ARHGAP26: variants seen among roughly 807,000 people sequenced by gnomAD.
The protein encoded by ARHGAP26 is Rho GTPase activating protein 26, also known as rho GTPase-activating protein 26.
Under a neutral mutation model 104.8 loss-of-function variants are expected in ARHGAP26, and 38 were observed. The ratio of observed to expected loss-of-function variants is 0.36; its 90% confidence interval spans 0.28 to 0.48. The LOEUF is 0.48. Among genes scored for constraint, ARHGAP26 ranks in the 20% least tolerant of loss-of-function variants. The pLI is 0.99. For missense variants in ARHGAP26, 704 were observed against 947.9 expected (o/e 0.74, Z 3.38); for synonymous variants, 341 against 340.0 (o/e 1.00, Z -0.03).
intron 11 of ARHGAP26, among the ~76,000 whole-genome samples, chr5:143,010,357 A>C (rs867401263): frequency 1.3e-5 from 2 of 152,214 alleles, no homozygotes; most frequent in African/African-American, 4.8e-5. Flanking sequence ...CTCAGGTTCC[A>C]TATCTCTAAA....
intron 1 of ARHGAP26, among the ~76,000 whole-genome samples, chr5:142,836,591 T>A (rs1167480024): frequency 6.6e-6 from 1 of 152,228 alleles, no homozygotes; most frequent in African/African-American, 2.4e-5. Flanking sequence ...TCTCGAGGCC[T>A]GTGTTTTCAC....
intron 14 of ARHGAP26, among the ~76,000 whole-genome samples, chr5:143,050,662 C>G (rs888809307): frequency 6.6e-6 from 1 of 152,216 alleles, no homozygotes; most frequent in Non-Finnish European, 1.5e-5. Flanking sequence ...TAAGTGGAAA[C>G]AGCCCAGACT....
chr5:142,996,133 A>G (rs1212924505), intron 11 of ARHGAP26, among the ~76,000 whole-genome samples: 1 of 152,218 alleles, frequency 6.6e-6, no homozygotes, highest in Non-Finnish European at 1.5e-5. Flanking sequence ...TGGCACATGT[A>G]TACCTATGTA....
At chr5:142,994,540 T>A (rs921877645) in intron 11 of ARHGAP26, among the ~76,000 whole-genome samples, 23 of 152,042 alleles carry the variant, frequency 1.5e-4, no homozygotes, top group African/African-American at 5.3e-4. Flanking sequence ...GAGTAACCAT[T>A]GTGAAGGCAT....
intron 13 of ARHGAP26, among the ~76,000 whole-genome samples, chr5:143,041,003 T>C (rs1011103286): frequency 6.6e-6 from 1 of 152,232 alleles, no homozygotes; most frequent in African/African-American, 2.4e-5. Context: ...TGGCTACTGG[T>C]TGAAGAATGG....
chr5:142,825,321 T>G (rs115401506), intron 1 of ARHGAP26, among the ~76,000 whole-genome samples: 1 of 152,306 alleles, frequency 6.6e-6, no homozygotes, highest in Non-Finnish European at 1.5e-5. Flanking sequence ...AGAGGGTAGT[T>G]GGGAGCCCAC....
At chr5:142,967,959 G>A (rs1771663967) in intron 11 of ARHGAP26, among the ~76,000 whole-genome samples, 2 of 152,176 alleles carry the variant, frequency 1.3e-5, no homozygotes, top group South Asian at 4.1e-4. Context: ...GTTCAAAGAA[G>A]GGCCAGAAAA....
intron 1 of ARHGAP26, among the ~76,000 whole-genome samples, chr5:142,857,754 A>G (rs939237524): frequency 2.0e-5 from 3 of 151,972 alleles, no homozygotes; most frequent in African/African-American, 4.8e-5. Context: ...TCGGGACATC[A>G]CTTTCCTTTT....
At chr5:143,117,031 T>C (rs949467842) in intron 17 of ARHGAP26, among the ~76,000 whole-genome samples, 2 of 152,212 alleles carry the variant, frequency 1.3e-5, no homozygotes, top group African/African-American at 4.8e-5. Flanking sequence ...GAATTGGCAG[T>C]TCTTTCAAAA....
At chr5:143,077,345 A>G (rs867257633) in intron 17 of ARHGAP26, among the ~76,000 whole-genome samples, 11 of 152,236 alleles carry the variant, frequency 7.2e-5, no homozygotes, top group African/African-American at 2.7e-4. Context: ...AAAAGAACCC[A>G]GGAACTGAAG....
chr5:142,857,362 G>C (rs968905561), intron 1 of ARHGAP26, among the ~76,000 whole-genome samples: 1 of 152,104 alleles, frequency 6.6e-6, no homozygotes, highest in Middle Eastern at 3.2e-3. Flanking sequence ...AAGATTCCTG[G>C]GTTGATGGGC....
At chr5:143,064,118 C>T (rs935841032) in intron 17 of ARHGAP26, among the ~76,000 whole-genome samples, 8 of 152,110 alleles carry the variant, frequency 5.3e-5, no homozygotes, top group African/African-American at 1.9e-4. Context: ...TTGAAAAATT[C>T]GTATCTCACC....
At chr5:143,121,174 G>T (rs1796082780) in intron 18 of ARHGAP26, 27 bp downstream of exon 18, 1 of 1,603,416 alleles carries the variant, frequency 6.2e-7, no homozygotes, top group Non-Finnish European at 8.5e-7. Context: ...CACTTGCAGT[G>T]AAGAATGTAC....
chr5:142,959,216 A>G (rs1461056313), intron 11 of ARHGAP26, among the ~76,000 whole-genome samples: 1 of 152,250 alleles, frequency 6.6e-6, no homozygotes, highest in Non-Finnish European at 1.5e-5. Context: ...ATAGAACAAA[A>G]GCACATTCAT....
intron 4 of ARHGAP26, among the ~76,000 whole-genome samples, chr5:142,883,129 C>T (rs1757236999): frequency 6.6e-6 from 1 of 152,140 alleles, no homozygotes. Flanking sequence ...ATTTTTTTCT[C>T]TAACTTTGGG....
intron 1 of ARHGAP26, among the ~76,000 whole-genome samples, chr5:142,834,396 T>C (rs1486152009): frequency 1.3e-5 from 2 of 152,262 alleles, no homozygotes; most frequent in Non-Finnish European, 2.9e-5. Flanking sequence ...AGAAAAGTTT[T>C]TAATCATTTT....
chr5:142,995,876 G>A (rs1229565877), intron 11 of ARHGAP26, among the ~76,000 whole-genome samples: 1 of 152,144 alleles, frequency 6.6e-6, no homozygotes, highest in Middle Eastern at 3.2e-3. Flanking sequence ...CATGGTTGAA[G>A]CTGGAAACTA....
intron 17 of ARHGAP26, among the ~76,000 whole-genome samples, chr5:143,087,031 G>T (rs1278648615): frequency 6.6e-6 from 1 of 152,236 alleles, no homozygotes; most frequent in Non-Finnish European, 1.5e-5. Flanking sequence ...AGATTCCCAA[G>T]CACTAAAGTG....
chr5:143,180,490 G>A (rs937583326), intron 20 of ARHGAP26, among the ~76,000 whole-genome samples: 2 of 152,128 alleles, frequency 1.3e-5, no homozygotes, highest in African/African-American at 4.8e-5. Context: ...CTGTGTTGGT[G>A]CATTTTGTCA....
Sources: allele counts gnomAD v4.1 joint callset (sites outside exome capture counted in the v4.1 genomes callset), GRCh38; gene constraint gnomAD v4.1.1; transcripts MANE v1.5; gene names NCBI Gene and HGNC (gene_info 2026-07-23, HGNC 2026-07-21).